NOL10: variants seen among roughly 807,000 people sequenced by gnomAD.
NOL10 encodes nucleolar protein 10.
In NOL10, 58 loss-of-function variants were observed where a neutral mutation model predicts 103.5. The observed-to-expected ratio is 0.56, with a 90% confidence interval of 0.45 to 0.70. NOL10 has a LOEUF of 0.70. NOL10 is among the 30% of genes least tolerant of loss of function. The pLI, the probability that NOL10 is intolerant of heterozygous loss-of-function variation, is 0.00. For missense variants in NOL10, 763 were observed against 807.3 expected (o/e 0.95, Z 0.67); for synonymous variants, 287 against 282.5 (o/e 1.02, Z -0.16).
At chr2:10,664,694 C>A (rs1260438899) in intron 8 of NOL10, among the ~76,000 whole-genome samples, 1 of 152,118 alleles carries the variant, frequency 6.6e-6, no homozygotes, top group Non-Finnish European at 1.5e-5. Flanking sequence ...ATGCACCACG[C>A]CTGTCTAATT....
rs116672210 is a variant in NOL10 at position 10,632,480 on chromosome 2, T to C, written c.1026+11840A>G. Among the ~76,000 whole-genome samples, 455 of 152,216 alleles carry C rather than the reference T, an allele frequency of 3.0e-3. 4 individuals carry two copies. The highest frequency in any genetic ancestry group is 0.01 in the African/African-American group (432 of 41,536). On this transcript the variant is annotated intron_variant, in intron 13 of 20. Transcript: ENST00000381685. The stretch of plus-strand genomic sequence containing the variant: ...TAGTTTCCCAAACCCCAGTCTAGAG[T>C]ACACCCTGCAAGATCATCTGATTCT...
chr2:10,595,910 C>T (rs1396494050), intron 17 of NOL10, among the ~76,000 whole-genome samples: 1 of 151,356 alleles, frequency 6.6e-6, no homozygotes, highest in African/African-American at 2.4e-5. Flanking sequence ...TTGTGTTAGG[C>T]ACTGTGCCCA....
intron 17 of NOL10, among the ~76,000 whole-genome samples, chr2:10,597,933 A>T (rs1334412047): frequency 2.6e-5 from 4 of 152,230 alleles, no homozygotes; most frequent in Non-Finnish European, 5.9e-5. Context: ...AAAATAATCA[A>T]ATGCCATCCT....
At chr2:10,689,023 G>A (rs1336140463) in intron 1 of NOL10, among the ~76,000 whole-genome samples, 1 of 152,216 alleles carries the variant, frequency 6.6e-6, no homozygotes, top group African/African-American at 2.4e-5. Flanking sequence ...TTTCTAACAA[G>A]TGCAGAGTCT....
At chr2:10,669,171 G>C (rs1364313271) in intron 6 of NOL10, among the ~76,000 whole-genome samples, 2 of 151,516 alleles carry the variant, frequency 1.3e-5, no homozygotes, top group Non-Finnish European at 2.9e-5. Flanking sequence ...CAGCTCACGG[G>C]CGCCACTCAC....
intron 17 of NOL10, among the ~76,000 whole-genome samples, chr2:10,595,436 C>G (rs148246961): frequency 6.6e-6 from 1 of 152,150 alleles, no homozygotes; most frequent in Non-Finnish European, 1.5e-5. Context: ...TCCTGAGTAG[C>G]TGGGACCACA....
chr2:10,655,038 C>T (rs1480414406), intron 11 of NOL10, among the ~76,000 whole-genome samples: 1 of 151,750 alleles, frequency 6.6e-6, no homozygotes, highest in Non-Finnish European at 1.5e-5. Context: ...GGTGAAACTC[C>T]GACTCTACTA....
chr2:10,638,483 CTTTTTTTTTTTT>C (rs869294782), intron 13 of NOL10, among the ~76,000 whole-genome samples: 4 of 77,784 alleles, frequency 5.1e-5, no homozygotes, highest in African/African-American at 2.1e-4. Context: ...GCTGAATTCC[CTTTTTTTTTTTT>C]TTTTTTTTTT....
chr2:10,684,328 C>T (rs1014689312), intron 2 of NOL10, among the ~76,000 whole-genome samples: 1 of 151,522 alleles, frequency 6.6e-6, no homozygotes, highest in South Asian at 2.1e-4. Flanking sequence ...TGCCTGTAAT[C>T]CCAAAACTTT....
At chr2:10,579,152 C>T (rs920501405) in intron 19 of NOL10, among the ~76,000 whole-genome samples, 1 of 152,186 alleles carries the variant, frequency 6.6e-6, no homozygotes, top group Non-Finnish European at 1.5e-5. Flanking sequence ...GTTTACAACT[C>T]GTAGTAATGT....
chr2:10,571,043 G>A lies in NOL10; in HGVS notation c.*1028C>T, dbSNP rs1674151829. The A allele has an allele frequency of 1.3e-5, 2 of 152,258 alleles. No homozygotes were observed. The highest frequency in any genetic ancestry group is 1.3e-4 in the Admixed American group (2 of 15,292). 9.4% of individuals were successfully genotyped at this position (152,258 alleles called of 1,614,324 possible). On this transcript the variant is annotated 3_prime_UTR_variant, in exon 21 of 21. Transcript: ENST00000381685. ...TCCCAAATCTGAAAATCCAAAACCTGAAAAGCTCTAATGAGCATTTTCCTC... is the reference window on the plus strand; with the variant it reads ...TCCCAAATCTGAAAATCCAAAACCTAAAAAGCTCTAATGAGCATTTTCCTC...
chr2:10,674,241 A>C (rs1310843353), intron 4 of NOL10, among the ~76,000 whole-genome samples: 1 of 151,890 alleles, frequency 6.6e-6, no homozygotes, highest in Non-Finnish European at 1.5e-5. Context: ...TAAAAAAAAA[A>C]ACAACAAAGG....
intron 13 of NOL10, among the ~76,000 whole-genome samples, chr2:10,612,842 T>A (rs1157323975): frequency 6.6e-6 from 1 of 152,068 alleles, no homozygotes; most frequent in Admixed American, 6.5e-5. Flanking sequence ...GCCTTGTCTC[T>A]ACACATTTTT....
intron 12 of NOL10, among the ~76,000 whole-genome samples, chr2:10,648,744 G>A (rs1460227575): frequency 6.6e-6 from 1 of 152,006 alleles, no homozygotes; most frequent in African/African-American, 2.4e-5. Context: ...ACACGGTAGA[G>A]GATCAAGTTA....
At chr2:10,640,225 C>T (rs986754388) in intron 13 of NOL10, among the ~76,000 whole-genome samples, 2 of 152,218 alleles carry the variant, frequency 1.3e-5, no homozygotes, top group Non-Finnish European at 2.9e-5. Flanking sequence ...TCCTGCCAAA[C>T]GTCAACTTGG....
chr2:10,615,708 GAA>G (rs1558291567), intron 13 of NOL10, among the ~76,000 whole-genome samples: 1 of 152,184 alleles, frequency 6.6e-6, no homozygotes, highest in Non-Finnish European at 1.5e-5. Context: ...ACAGCAAAGA[GAA>G]AAGATTCCTC....
At chr2:10,621,507 T>A (rs1677146220) in intron 13 of NOL10, among the ~76,000 whole-genome samples, 1 of 152,088 alleles carries the variant, frequency 6.6e-6, no homozygotes, top group Non-Finnish European at 1.5e-5. Flanking sequence ...GGTTGGGGAA[T>A]CACTTGAACC....
chr2:10,630,365 A>C (rs1677753287), intron 13 of NOL10, among the ~76,000 whole-genome samples: 1 of 152,204 alleles, frequency 6.6e-6, no homozygotes, highest in Non-Finnish European at 1.5e-5. Flanking sequence ...TGCAATGTGG[A>C]AGGAAGAAAT....
At chr2:10,687,106 A>G (rs1682269428) in intron 1 of NOL10, among the ~76,000 whole-genome samples, 1 of 141,682 alleles carries the variant, frequency 7.1e-6, no homozygotes, top group African/African-American at 2.5e-5. Flanking sequence ...GAGAGAAGCA[A>G]TATTTGCACA....
Sources: gnomAD v4.1 joint callset for allele counts (sites outside exome capture counted in the v4.1 genomes callset) on GRCh38, gnomAD v4.1.1 for gene constraint, MANE v1.5 for transcripts, NCBI Gene and HGNC (gene_info 2026-07-23, HGNC 2026-07-21) for gene names.